SIL1: variants seen among roughly 807,000 people sequenced by gnomAD.
The protein encoded by SIL1 is nucleotide exchange factor SIL1.
Under a neutral mutation model 49.1 loss-of-function variants are expected in SIL1, and 40 were observed. The ratio of observed to expected loss-of-function variants is 0.81; its 90% CI spans 0.63 to 1.06. The LOEUF is 1.06. Ranked by LOEUF, SIL1 falls within the 50% of genes least tolerant of loss-of-function variation. SIL1 has a pLI of 0.00. For missense variants in SIL1, 500 were observed against 572.6 expected (o/e 0.87, Z 1.29); for synonymous variants, 253 against 250.8 (o/e 1.01, Z -0.08).
chr5:139,143,332 C>CATATATATATAT (rs1228701435), intron 1 of SIL1, among the ~76,000 whole-genome samples: 1 of 90,578 alleles, frequency 1.1e-5, no homozygotes, highest in African/African-American at 4.5e-5. Context: ...CACACACACA[C>CATATATATATAT]ACACACACAC....
At chr5:138,962,304 ATT>A (rs76466712) in intron 7 of SIL1, among the ~76,000 whole-genome samples, 1 of 143,040 alleles carries the variant, frequency 7.0e-6, no homozygotes. Context: ...GACTTTTTCC[ATT>A]TTTTTTTTTT....
chr5:139,172,522 A>G (rs571203945), intron 1 of SIL1, among the ~76,000 whole-genome samples: 2 of 152,098 alleles, frequency 1.3e-5, no homozygotes, highest in African/African-American at 4.8e-5. Context: ...AATCCCAGTT[A>G]CTTGGGAGGC....
intron 7 of SIL1, among the ~76,000 whole-genome samples, chr5:138,997,848 T>G (rs1767904104): frequency 6.6e-6 from 1 of 152,238 alleles, no homozygotes; most frequent in South Asian, 2.1e-4. Flanking sequence ...CATAAGCCAC[T>G]GTGCCCAGCC....
intron 1 of SIL1, among the ~76,000 whole-genome samples, chr5:139,149,291 G>T (rs1251770500): frequency 6.6e-6 from 1 of 152,154 alleles, no homozygotes; most frequent in Admixed American, 6.5e-5. Flanking sequence ...ATACAGGACA[G>T]CTACCAAAAG....
At chr5:139,036,971 C>A (rs1561837693) in intron 5 of SIL1, among the ~76,000 whole-genome samples, 1 of 151,834 alleles carries the variant, frequency 6.6e-6, no homozygotes, top group Non-Finnish European at 1.5e-5. Flanking sequence ...TTCTATTATT[C>A]TTTTTTCATT....
intron 6 of SIL1, among the ~76,000 whole-genome samples, chr5:139,025,153 G>T (rs1166689679): frequency 2.0e-5 from 3 of 152,138 alleles, no homozygotes; most frequent in Non-Finnish European, 2.9e-5. Context: ...CTGGAACAGT[G>T]CCTGGGAGTT....
intron 3 of SIL1, among the ~76,000 whole-genome samples, chr5:139,107,164 C>A (rs968078875): frequency 6.6e-6 from 1 of 152,112 alleles, no homozygotes; most frequent in Admixed American, 6.5e-5. Context: ...TAGAACAGAC[C>A]TTGCCTGAGG....
intron 5 of SIL1, among the ~76,000 whole-genome samples, chr5:139,041,718 C>T (rs559458259): frequency 1.1e-4 from 16 of 151,716 alleles, no homozygotes; most frequent in African/African-American, 2.4e-4. Context: ...GCAGGAGAAT[C>T]GCTTGAACCC....
At chr5:139,082,616 C>G (rs1411952898) in intron 3 of SIL1, among the ~76,000 whole-genome samples, 1 of 152,186 alleles carries the variant, frequency 6.6e-6, no homozygotes, top group African/African-American at 2.4e-5. Context: ...AACAGCTCAG[C>G]CCCTTTGGTC....
chr5:139,078,428 T>C (rs1318512949), intron 3 of SIL1, among the ~76,000 whole-genome samples: 2 of 152,136 alleles, frequency 1.3e-5, no homozygotes, highest in Non-Finnish European at 2.9e-5. Context: ...CCTGAAGCCC[T>C]CCAGACTTGA....
At chr5:138,968,243 A>T (rs1215736534) in intron 7 of SIL1, among the ~76,000 whole-genome samples, 1 of 152,084 alleles carries the variant, frequency 6.6e-6, no homozygotes, top group Admixed American at 6.5e-5. Context: ...TCCACCACAG[A>T]AAGCCTGTGC....
At chr5:139,198,111 G>A (rs1752315865) in intron 1 of SIL1, among the ~76,000 whole-genome samples, 158 bp downstream of exon 1, 1 of 152,144 alleles carries the variant, frequency 6.6e-6, no homozygotes, top group Admixed American at 6.5e-5. Context: ...GGGAGCCCCG[G>A]GCCCACTTGG....
intron 5 of SIL1, among the ~76,000 whole-genome samples, chr5:139,038,422 A>G (rs1216041761): frequency 6.6e-6 from 1 of 152,146 alleles, no homozygotes; most frequent in African/African-American, 2.4e-5. Flanking sequence ...TTTTCAGAGC[A>G]TTGTAGTGCT....
intron 3 of SIL1, among the ~76,000 whole-genome samples, chr5:139,062,211 T>C (rs1769606159): frequency 6.6e-6 from 1 of 152,290 alleles, no homozygotes. Flanking sequence ...CTTAATGTTA[T>C]TGTGTTTTTA....
At chr5:139,170,046 T>C (rs892118743) in intron 1 of SIL1, among the ~76,000 whole-genome samples, 2 of 152,242 alleles carry the variant, frequency 1.3e-5, no homozygotes, top group African/African-American at 4.8e-5. Flanking sequence ...TTCGTACTTT[T>C]TTGGTGGAGA....
chr5:139,112,023 T>C (rs1770858245), intron 3 of SIL1, among the ~76,000 whole-genome samples: 1 of 152,220 alleles, frequency 6.6e-6, no homozygotes, highest in Admixed American at 6.5e-5. Context: ...TTTCGTATTT[T>C]TTTGCTGGAG....
chr5:139,110,110 A>G (rs1490617101), intron 3 of SIL1, among the ~76,000 whole-genome samples: 1 of 151,442 alleles, frequency 6.6e-6, no homozygotes, highest in African/African-American at 2.4e-5. Context: ...TGGAGGTTGC[A>G]GTGAGCCGAG....
chr5:139,097,640 G>C (rs1770498495), intron 3 of SIL1, among the ~76,000 whole-genome samples: 1 of 151,900 alleles, frequency 6.6e-6, no homozygotes, highest in African/African-American at 2.4e-5. Context: ...ACTACGCCTG[G>C]CTAATTTTTG....
intron 6 of SIL1, 66 bp downstream of exon 6, chr5:139,026,735 T>A: frequency 7.0e-7 from 1 of 1,429,436 alleles, no homozygotes; most frequent in Non-Finnish European, 9.9e-7. Context: ...TTCTTAGGGC[T>A]TAGGGAAGGG....
Sources: gnomAD v4.1 joint callset for allele counts (sites outside exome capture counted in the v4.1 genomes callset) on GRCh38, gnomAD v4.1.1 for gene constraint, MANE v1.5 for transcripts, NCBI Gene and HGNC (gene_info 2026-07-23, HGNC 2026-07-21) for gene names.